The following LHFPL6 variants were observed in gnomAD, a reference collection of about 807,000 sequenced individuals.
The protein encoded by LHFPL6 is LHFPL tetraspan subfamily member 6, also known as LHFPL tetraspan subfamily member 6 protein.
Under a neutral mutation model 20.6 loss-of-function variants are expected in LHFPL6, and 9 were observed. The observed-to-expected ratio is 0.44, with a 90% CI of 0.26 to 0.76. LHFPL6 has a LOEUF of 0.76. Ranked by LOEUF, LHFPL6 falls within the 30% of genes least tolerant of loss-of-function variation. The pLI is 0.20. For missense variants in LHFPL6, 218 were observed against 253.5 expected (o/e 0.86, Z 0.95); for synonymous variants, 105 against 98.7 (o/e 1.06, Z -0.38).
intron 2 of LHFPL6, among the ~76,000 whole-genome samples, chr13:39,547,466 T>C (rs1871017217): frequency 6.6e-6 from 1 of 152,160 alleles, no homozygotes; most frequent in Non-Finnish European, 1.5e-5. Flanking sequence ...GGTTGTGGTC[T>C]GCAGCCAGGT....
intron 2 of LHFPL6, among the ~76,000 whole-genome samples, chr13:39,478,148 G>C (rs1394410502): frequency 6.6e-6 from 1 of 152,154 alleles, no homozygotes; most frequent in Admixed American, 6.5e-5. Context: ...TTCTAGAGAC[G>C]AGGGGGCAGA....
intron 2 of LHFPL6, among the ~76,000 whole-genome samples, chr13:39,484,772 C>G (rs1868664851): frequency 6.6e-6 from 1 of 152,084 alleles, no homozygotes; most frequent in Admixed American, 6.5e-5. Flanking sequence ...GTGATTCTCA[C>G]TTGCGGAGGG....
At chr13:39,523,976 A>C (rs1870204104) in intron 2 of LHFPL6, among the ~76,000 whole-genome samples, 1 of 152,224 alleles carries the variant, frequency 6.6e-6, no homozygotes, top group South Asian at 2.1e-4. Flanking sequence ...GATTTGTATT[A>C]TGGAGCAATA....
At chr13:39,538,622 C>G (rs1870699798) in intron 2 of LHFPL6, among the ~76,000 whole-genome samples, 1 of 151,438 alleles carries the variant, frequency 6.6e-6, no homozygotes. Context: ...ACACAGACAC[C>G]AAATGCAAGG....
At chr13:39,536,172 T>C (rs9576840) in intron 2 of LHFPL6, among the ~76,000 whole-genome samples, 1,997 of 152,340 alleles carry the variant, frequency 0.013, 47 homozygotes, top group East Asian at 0.094. Context: ...GAGCAAGTTC[T>C]AAAATTTTAA....
At chr13:39,494,066 G>C (rs144071842) in intron 2 of LHFPL6, among the ~76,000 whole-genome samples, 47 of 152,284 alleles carry the variant, frequency 3.1e-4, no homozygotes, top group African/African-American at 1.1e-3. Flanking sequence ...ACATTTCCAT[G>C]TCAGTCTCAG....
At chr13:39,459,007 A>G (rs996129018) in intron 2 of LHFPL6, among the ~76,000 whole-genome samples, 1 of 152,130 alleles carries the variant, frequency 6.6e-6, no homozygotes, top group Non-Finnish European at 1.5e-5. Flanking sequence ...AAATACCTCA[A>G]TTTAAGGCAT....
chr13:39,516,717 C>G (rs1869933227), intron 2 of LHFPL6, among the ~76,000 whole-genome samples: 1 of 152,194 alleles, frequency 6.6e-6, no homozygotes, highest in African/African-American at 2.4e-5. Flanking sequence ...CTGTACGCCT[C>G]AATTAGCCAA....
chr13:39,549,340 T>C (rs966830676), intron 2 of LHFPL6, among the ~76,000 whole-genome samples: 7 of 152,138 alleles, frequency 4.6e-5, no homozygotes, highest in African/African-American at 1.7e-4. Flanking sequence ...ACTTCTAGCA[T>C]ATACAGAAAA....
At position 39,356,371 on chromosome 13, in the gene LHFPL6, A is replaced by C. The variant is rs561194705; in HGVS notation, c.485-12317T>G. Among the ~76,000 whole-genome samples the C allele has an allele frequency of 2.0e-5, 3 of 152,346 alleles. No individual in the cohort carries two copies. The East Asian group carries it at 5.8e-4, about 29-fold the overall frequency. On this transcript the variant is annotated intron_variant, in intron 3 of 3. Coordinates refer to ENST00000379589, the MANE Select transcript of LHFPL6 (RefSeq NM_005780.3). Reference sequence around the variant, plus strand: ...CAAAATATCTGAGATGCAGCAAAAGAAGTGTTGAGAGGACACTTTATAACG... The same window carrying C: ...CAAAATATCTGAGATGCAGCAAAAGCAGTGTTGAGAGGACACTTTATAACG...
intron 2 of LHFPL6, among the ~76,000 whole-genome samples, chr13:39,384,974 G>C (rs776759741): frequency 6.6e-6 from 1 of 152,246 alleles, no homozygotes; most frequent in East Asian, 1.9e-4. Flanking sequence ...GTTGCAGGAA[G>C]AGGTGTGAGA....
intron 3 of LHFPL6, among the ~76,000 whole-genome samples, chr13:39,361,466 T>C (rs2138345143): frequency 6.6e-6 from 1 of 152,194 alleles, no homozygotes; most frequent in East Asian, 1.9e-4. Flanking sequence ...TACAGGTGCA[T>C]GCCATGACAC....
At chr13:39,348,943 T>C (rs544424778) in intron 3 of LHFPL6, among the ~76,000 whole-genome samples, 1 of 152,190 alleles carries the variant, frequency 6.6e-6, no homozygotes, top group Admixed American at 6.5e-5. Flanking sequence ...GTCTATCAGA[T>C]GAAAACTGGC....
At chr13:39,573,004 C>G (rs933411735) in intron 2 of LHFPL6, among the ~76,000 whole-genome samples, 1 of 152,166 alleles carries the variant, frequency 6.6e-6, no homozygotes, top group Non-Finnish European at 1.5e-5. Flanking sequence ...GGCAAATTTC[C>G]TAGCTTATTT....
intron 2 of LHFPL6, among the ~76,000 whole-genome samples, chr13:39,575,642 A>G (rs765023858): frequency 5.3e-5 from 8 of 152,240 alleles, no homozygotes; most frequent in African/African-American, 1.9e-4. Context: ...AAAGGAAAAG[A>G]AGCAGCAAAG....
At chr13:39,481,308 C>T (rs898340291) in intron 2 of LHFPL6, among the ~76,000 whole-genome samples, 10 of 152,112 alleles carry the variant, frequency 6.6e-5, no homozygotes, top group East Asian at 3.8e-4. Context: ...TCAACCCATA[C>T]GAAGCACCTA....
chr13:39,409,282 C>T (rs983349167), intron 2 of LHFPL6, among the ~76,000 whole-genome samples: 3 of 151,818 alleles, frequency 2.0e-5, no homozygotes, highest in Non-Finnish European at 2.9e-5. Flanking sequence ...GGTGAAACCC[C>T]GTCTCTACTA....
At chr13:39,392,694 T>C (rs1028004277) in intron 2 of LHFPL6, among the ~76,000 whole-genome samples, 20 of 152,174 alleles carry the variant, frequency 1.3e-4, no homozygotes, top group Admixed American at 3.3e-4. Context: ...TTCAGCCTGA[T>C]CTTTTAATTA....
intron 3 of LHFPL6, among the ~76,000 whole-genome samples, chr13:39,375,307 A>C (rs1870259006): frequency 6.6e-6 from 1 of 152,168 alleles, no homozygotes; most frequent in South Asian, 2.1e-4. Flanking sequence ...TAACTTCATA[A>C]TTTGTGACTT....
Sources: allele counts gnomAD v4.1 joint callset (sites outside exome capture counted in the v4.1 genomes callset), GRCh38; gene constraint gnomAD v4.1.1; transcripts MANE v1.5; gene names NCBI Gene and HGNC (gene_info 2026-07-23, HGNC 2026-07-21).